ATP9A: variants seen among roughly 807,000 people sequenced by gnomAD.
ATP9A encodes the protein ATPase phospholipid transporting 9A.
ATP9A carries 52 observed loss-of-function variants against 144.1 expected under a neutral mutation model. The observed-to-expected ratio is 0.36, with a 90% CI of 0.29 to 0.45. ATP9A has a LOEUF of 0.45. ATP9A is among the 20% of genes least tolerant of loss of function. The probability of loss-of-function intolerance (pLI) is 1.00; values close to 1 mark genes in which losing one functional copy is unlikely to be tolerated. For synonymous variants in ATP9A, 582 were observed against 557.4 expected, an observed-to-expected ratio of 1.04 and a Z score of -0.62; for missense variants, 947 against 1,392.7, an observed-to-expected ratio of 0.68 and a Z score of 5.09.
intron 15 of ATP9A, among the ~76,000 whole-genome samples, chr20:51,632,625 A>G (rs2077274389): frequency 6.6e-6 from 1 of 152,186 alleles, no homozygotes; most frequent in South Asian, 2.1e-4. Flanking sequence ...GAATGCCCCC[A>G]GGATGAGAAC....
intron 11 of ATP9A, 41 bp from the exon 12 acceptor site, chr20:51,671,298 G>A: frequency 6.3e-7 from 1 of 1,596,496 alleles, no homozygotes; most frequent in Non-Finnish European, 8.6e-7. Context: ...CAGGACAGAT[G>A]TAAGGCTCCT....
intron 14 of ATP9A, among the ~76,000 whole-genome samples, chr20:51,643,956 C>T (rs1401655242): frequency 6.6e-6 from 1 of 151,890 alleles, no homozygotes; most frequent in Non-Finnish European, 1.5e-5. Flanking sequence ...GTCAACATAG[C>T]GAAACCCCAT....
chr20:51,704,776 A>T (rs1301004354), intron 4 of ATP9A, among the ~76,000 whole-genome samples: 1 of 152,206 alleles, frequency 6.6e-6, no homozygotes, highest in Non-Finnish European at 1.5e-5. Flanking sequence ...GCGAAACTCC[A>T]TCTCAAAACA....
chr20:51,649,080 TAAAAATA>T (rs1255982660), intron 14 of ATP9A, among the ~76,000 whole-genome samples: 1 of 151,684 alleles, frequency 6.6e-6, no homozygotes, highest in Non-Finnish European at 1.5e-5. Context: ...GACCAAAGAA[TAAAAATA>T]AAAAATAAAA....
At chr20:51,642,105 C>G (rs2077321938) in intron 14 of ATP9A, among the ~76,000 whole-genome samples, 1 of 151,966 alleles carries the variant, frequency 6.6e-6, no homozygotes, top group South Asian at 2.1e-4. Flanking sequence ...GTATTCCTTT[C>G]CTGTTGTTGC....
chr20:51,732,009 C>T (rs1277115872), intron 1 of ATP9A, among the ~76,000 whole-genome samples: 1 of 152,132 alleles, frequency 6.6e-6, no homozygotes, highest in Non-Finnish European at 1.5e-5. Flanking sequence ...GAAGCCAGCA[C>T]ACCAGCTGTC....
Position 51,649,771 on chromosome 20 carries a change from G to A in ATP9A, c.1506+7167C>T, listed in dbSNP as rs146321260. Among the ~76,000 whole-genome samples the A allele has an allele frequency of 1.8e-3, 272 of 152,066 alleles. 5 individuals are homozygous for A. The East Asian group carries it at 0.041, about 23-fold the overall frequency. ...CTCTACTAAAAATTCAAAATTAGCC[G>A]GGCGTGGTGGTAGATGCCTGTAGTC... On this transcript the variant is annotated intron_variant, in intron 14 of 27. Coordinates refer to ENST00000338821, the MANE Select transcript of ATP9A (RefSeq NM_006045.3).
intron 24 of ATP9A, 147 bp from the exon 25 acceptor site, chr20:51,608,773 A>T (rs1349504364): frequency 1.6e-6 from 1 of 625,622 alleles, no homozygotes; most frequent in African/African-American, 1.8e-5. Context: ...TGTAAGCACC[A>T]GAAACCCATG....
At chr20:51,760,594 G>A (rs2077875341) in intron 1 of ATP9A, among the ~76,000 whole-genome samples, 1 of 152,040 alleles carries the variant, frequency 6.6e-6, no homozygotes, top group Non-Finnish European at 1.5e-5. Flanking sequence ...GGGCATACTG[G>A]TAGGCATGTG....
intron 15 of ATP9A, among the ~76,000 whole-genome samples, 179 bp from the exon 16 acceptor site, chr20:51,629,251 T>A (rs1433670176): frequency 1.3e-5 from 2 of 152,100 alleles, no homozygotes; most frequent in East Asian, 3.8e-4. Context: ...CTACAGAAAG[T>A]AAAAGGAAAA....
intron 9 of ATP9A, among the ~76,000 whole-genome samples, chr20:51,677,619 C>G (rs1394705797): frequency 1.3e-5 from 2 of 152,160 alleles, no homozygotes; most frequent in African/African-American, 2.4e-5. Flanking sequence ...AACTTGGAAA[C>G]AGATGCTTCT....
chr20:51,754,131 C>T (rs1268985722), intron 1 of ATP9A, among the ~76,000 whole-genome samples: 1 of 152,084 alleles, frequency 6.6e-6, no homozygotes, highest in Non-Finnish European at 1.5e-5. Flanking sequence ...GACAGACCAC[C>T]CTGACTTGAC....
chr20:51,669,492 G>A (rs186210859), intron 13 of ATP9A, among the ~76,000 whole-genome samples: 1 of 152,272 alleles, frequency 6.6e-6, no homozygotes, highest in African/African-American at 2.4e-5. Flanking sequence ...AATCAGTAAC[G>A]TCATGATTAT....
At chr20:51,689,393 T>C (rs1020309992) in intron 8 of ATP9A, among the ~76,000 whole-genome samples, 12 of 152,136 alleles carry the variant, frequency 7.9e-5, no homozygotes, top group Non-Finnish European at 1.6e-4. Flanking sequence ...CTCTTAGCAC[T>C]GAAAAATGTT....
Position 51,674,245 on chromosome 20 carries a change from C to G in ATP9A, c.945G>C (p.Ser315=). ...AGTGCTGAAGGGCAACCATGACCAGCGAGACCACCACCAGGGCACCAAAGA... is the reference window on the plus strand; with the variant it reads ...AGTGCTGAAGGGCAACCATGACCAGGGAGACCACCACCAGGGCACCAAAGA... ...KILFGALVVV[S]LVMVALQHFA... The change falls in exon 11 of 28, where the codon TCG becomes TCC. Residue 315 remains serine, a synonymous_variant. Coordinates refer to ENST00000338821, the MANE Select transcript of ATP9A (RefSeq NM_006045.3). The G allele has an allele frequency of 6.2e-7, 1 of 1,613,916 alleles. No individual in the cohort carries two copies. Among genetic ancestry groups the G allele is most frequent in the East Asian group, 2.2e-5 (1 of 44,870 alleles).
At chr20:51,678,528 C>T (rs532781180) in intron 9 of ATP9A, among the ~76,000 whole-genome samples, 18 of 152,174 alleles carry the variant, frequency 1.2e-4, no homozygotes, top group Admixed American at 4.6e-4. Context: ...AGGAGGCTCC[C>T]GGCAGATGGC....
intron 1 of ATP9A, among the ~76,000 whole-genome samples, chr20:51,758,581 G>A (rs775719848): frequency 7.2e-5 from 11 of 152,276 alleles, no homozygotes; most frequent in Middle Eastern, 3.4e-3. Flanking sequence ...ATCTCCTTGC[G>A]GACTGGACTA....
chr20:51,627,343 G>C (rs1601066081), intron 17 of ATP9A, among the ~76,000 whole-genome samples: 1 of 152,170 alleles, frequency 6.6e-6, no homozygotes, highest in Non-Finnish European at 1.5e-5. Context: ...TTAGACAGGT[G>C]GTCCAGGAAG....
intron 13 of ATP9A, among the ~76,000 whole-genome samples, chr20:51,659,248 T>C (rs972661393): frequency 2.6e-5 from 4 of 152,194 alleles, no homozygotes; most frequent in African/African-American, 7.2e-5. Flanking sequence ...GGCAACACCC[T>C]GTGTGTTACT....
Sources: allele counts gnomAD v4.1 joint callset (sites outside exome capture counted in the v4.1 genomes callset), GRCh38; gene constraint gnomAD v4.1.1; transcripts MANE v1.5; gene names NCBI Gene and HGNC (gene_info 2026-07-23, HGNC 2026-07-21).